PLCL1: variants seen among roughly 807,000 people sequenced by gnomAD.
PLCL1 encodes inactive phospholipase C-like protein 1.
In PLCL1, 41 loss-of-function variants were observed where a neutral mutation model predicts 84.4. That is an observed-to-expected ratio of 0.49 (90% CI 0.38 to 0.63). The LOEUF (loss-of-function observed/expected upper bound fraction) is 0.63, where lower values mean the gene tolerates loss of function less well. Among genes scored for constraint, PLCL1 ranks in the 30% least tolerant of loss-of-function variants. PLCL1 has a pLI of 0.00. For missense variants in PLCL1, 1,206 were observed against 1,367.8 expected, an observed-to-expected ratio of 0.88 and a Z score of 1.87; for synonymous variants, 490 against 488.3, an observed-to-expected ratio of 1.00 and a Z score of -0.05.
chr2:197,868,360 C>T (rs1687586427), intron 1 of PLCL1, among the ~76,000 whole-genome samples: 1 of 152,110 alleles, frequency 6.6e-6, no homozygotes, highest in South Asian at 2.1e-4. Flanking sequence ...AGGCAAGAAA[C>T]AGGTAGGAAG....
intron 1 of PLCL1, among the ~76,000 whole-genome samples, chr2:197,970,522 T>C (rs905526368): frequency 1.3e-5 from 2 of 152,230 alleles, no homozygotes; most frequent in African/African-American, 4.8e-5. Context: ...AGACTTAGTA[T>C]GACAAAAAGT....
At chr2:198,041,673 G>C (rs1438577489) in intron 1 of PLCL1, among the ~76,000 whole-genome samples, 62 of 152,146 alleles carry the variant, frequency 4.1e-4, no homozygotes, top group Non-Finnish European at 2.9e-5. Flanking sequence ...AGTAAATACT[G>C]AATATGGATA....
At chr2:197,914,727 TAA>T in intron 1 of PLCL1, among the ~76,000 whole-genome samples, 1 of 152,200 alleles carries the variant, frequency 6.6e-6, no homozygotes, top group East Asian at 1.9e-4. Context: ...TTAAATCAGT[TAA>T]GTCAATAAAC....
intron 1 of PLCL1, among the ~76,000 whole-genome samples, chr2:197,902,449 C>T (rs766448676): frequency 3.3e-5 from 5 of 152,062 alleles, no homozygotes; most frequent in African/African-American, 7.2e-5. Context: ...CAAGTGTGAA[C>T]GTGACATTGG....
intron 1 of PLCL1, among the ~76,000 whole-genome samples, chr2:197,833,022 G>C (rs925905286): frequency 7.2e-5 from 11 of 152,206 alleles, no homozygotes; most frequent in African/African-American, 2.7e-4. Context: ...GAGGTCAGGA[G>C]TGAAACCTTG....
At chr2:197,897,095 ACTCCTTCTTCTTCTTCTTCTTCTTCTT>A (rs1222182489) in intron 1 of PLCL1, among the ~76,000 whole-genome samples, 1 of 148,032 alleles carries the variant, frequency 6.8e-6, no homozygotes, top group Non-Finnish European at 1.5e-5. Context: ...TAGAAGTATG[ACTCCTTCTTCTTCTTCTTCTTCTTCTT>A]CTTCTTCTTC....
intron 1 of PLCL1, among the ~76,000 whole-genome samples, chr2:197,809,729 G>GA (rs977015134): frequency 2.0e-5 from 3 of 151,880 alleles, no homozygotes; most frequent in Non-Finnish European, 2.9e-5. Context: ...TACGCAGGCA[G>GA]AAAAAATACC....
At chr2:197,990,642 C>A (rs1690323387) in intron 1 of PLCL1, among the ~76,000 whole-genome samples, 1 of 152,132 alleles carries the variant, frequency 6.6e-6, no homozygotes, top group Non-Finnish European at 1.5e-5. Flanking sequence ...GAAAACCCAC[C>A]CCCATGATTC....
intron 1 of PLCL1, among the ~76,000 whole-genome samples, chr2:197,953,798 G>A (rs1689433925): frequency 6.6e-6 from 1 of 151,330 alleles, no homozygotes; most frequent in Non-Finnish European, 1.5e-5. Context: ...TTTTTTCTAT[G>A]TGTTTTTGTT....
chr2:197,953,505 A>G (rs10206257), intron 1 of PLCL1, among the ~76,000 whole-genome samples: 2,391 of 152,066 alleles, frequency 0.016, 58 homozygotes, highest in African/African-American at 0.055. Context: ...CTTGTCTGCC[A>G]TTTTGCTCAG....
At chr2:197,989,871 T>G (rs542883576) in intron 1 of PLCL1, among the ~76,000 whole-genome samples, 41 of 152,304 alleles carry the variant, frequency 2.7e-4, no homozygotes, top group African/African-American at 9.4e-4. Flanking sequence ...GACTTGCACC[T>G]GGAGTCCACT....
chr2:197,972,879 T>A (rs1182061012), intron 1 of PLCL1, among the ~76,000 whole-genome samples: 1 of 152,212 alleles, frequency 6.6e-6, no homozygotes, highest in East Asian at 1.9e-4. Context: ...TTCCCCATTG[T>A]CCCTTCCAGT....
chr2:197,810,427 A>C (rs954622734), intron 1 of PLCL1: 1 of 423,230 alleles, frequency 2.4e-6, no homozygotes, highest in African/African-American at 2.1e-5. Context: ...CTTTTGGAAA[A>C]TATATTAAGG....
At chr2:197,962,920 G>T (rs1392013116) in intron 1 of PLCL1, among the ~76,000 whole-genome samples, 3 of 151,986 alleles carry the variant, frequency 2.0e-5, no homozygotes, top group African/African-American at 7.2e-5. Flanking sequence ...TCTTTTTTAT[G>T]ACTGAATAGT....
chr2:197,993,901 A>T (rs533513858), intron 1 of PLCL1, among the ~76,000 whole-genome samples: 1 of 152,312 alleles, frequency 6.6e-6, no homozygotes, highest in African/African-American at 2.4e-5. Flanking sequence ...TATCCAGCAC[A>T]TGAGTGGAAT....
rs901983223 is a variant in PLCL1, at chr2:198,149,396, G to T, written c.*2434G>T. 1.3e-5 allele frequency: 2 copies of T among 152,020 alleles called. No individual in the cohort carries two copies. Among genetic ancestry groups the T allele is most frequent in the African/African-American group, 4.8e-5 (2 of 41,400 alleles). The allele number at this position is 152,020 out of a possible 1,614,324, so 9.4% of individuals were successfully genotyped here. ...ATAGGATCTGAGGTGGAGATGGCGG[G>T]TATTATCACTGGCATTTTACAGGTG... On this transcript the variant is annotated 3_prime_UTR_variant, in exon 6 of 6. Coordinates refer to ENST00000428675, the MANE Select transcript of PLCL1 (RefSeq NM_006226.4).
At position 197,805,110 on chromosome 2, in the gene PLCL1, G is replaced by C. The variant is rs1690439228; in HGVS notation, c.11G>C (p.Gly4Ala). MAE[G>A]AAGREDPAPP... ...TAAACGCTCCAGGCCATGGCCGAGGGCGCGGCCGGCAGGGAGGATCCGGCG... is the reference window on the plus strand; with the variant it reads ...TAAACGCTCCAGGCCATGGCCGAGGCCGCGGCCGGCAGGGAGGATCCGGCG... Residue 4 changes from glycine to alanine, a missense_variant, in exon 1 of 6, where the codon GGC (glycine) becomes GCC (alanine). Physicochemically the swap from Gly to Ala is moderately conservative, Grantham distance 60 (BLOSUM62 0). Transcript: ENST00000428675. This position sits in a 1 kb window ranked among gnomAD's most constrained non-coding sequence, Gnocchi z 4.0. 2 of 1,335,176 alleles carry C rather than the reference G, an allele frequency of 1.5e-6. No homozygotes were observed. The highest frequency in any genetic ancestry group is 1.9e-6 in the Non-Finnish European group (2 of 1,047,872). The allele number at this position is 1,335,176 out of a possible 1,614,324, so 82.7% of individuals were successfully genotyped here.
At chr2:198,001,284 G>A (rs1264069791) in intron 1 of PLCL1, among the ~76,000 whole-genome samples, 1 of 152,066 alleles carries the variant, frequency 6.6e-6, no homozygotes, top group East Asian at 1.9e-4. Context: ...CACTTATTGA[G>A]GGATTTTTTT....
In PLCL1 at chr2:197,942,945, A is replaced by T. The variant is rs148519344; in HGVS notation, c.240+137606A>T. On this transcript the variant is annotated intron_variant, in intron 1 of 5. Coordinates refer to ENST00000428675, the MANE Select transcript of PLCL1 (RefSeq NM_006226.4). ...TATCAAGCCAGGTGTAGTGGCTAAC[A>T]CCTGCAATCCCATTACTTTGGGAGG... 1.4e-3 allele frequency among the ~76,000 whole-genome samples: 207 copies of T among 152,212 alleles called. 1 individual carries two copies. The highest frequency in any genetic ancestry group is 4.4e-3 in the African/African-American group (182 of 41,516).
Sources: gnomAD v4.1 joint callset for allele counts (sites outside exome capture counted in the v4.1 genomes callset) on GRCh38, gnomAD v4.1.1 for gene constraint, Gnocchi (gnomAD v3.1) non-coding constraint, MANE v1.5 for transcripts, NCBI Gene and HGNC (gene_info 2026-07-23, HGNC 2026-07-21) for gene names.